KLK5: variants seen among roughly 807,000 people sequenced by gnomAD.
KLK5 encodes the protein kallikrein related peptidase 5, also known as kallikrein-5.
A neutral mutation model predicts 24.0 loss-of-function variants in KLK5; 18 were observed. The observed-to-expected ratio is 0.75, with a 90% confidence interval of 0.52 to 1.11. The LOEUF is 1.11. KLK5 is among the 50% of genes most tolerant of loss of function. The probability of loss-of-function intolerance (pLI) is 0.00; values close to 1 mark genes in which losing one functional copy is unlikely to be tolerated. For synonymous variants in KLK5, 140 were observed against 154.0 expected (o/e 0.91, Z 0.67); for missense variants, 374 against 379.2 (o/e 0.99, Z 0.11).
rs1480466077 is a variant in KLK5, at chr19:50,943,727, T to C, written c.786A>G (p.Gly262=). Residue 262 remains glycine (G), a synonymous_variant, in exon 6 of 6, where the codon GGA becomes GGG. Coordinates refer to ENST00000336334, the MANE Select transcript of KLK5 (RefSeq NM_012427.5). ...TGTTGGGCCGGGCACAAGGGTAATC[T>C]CCCCAGGACACGAGTCCCTGCAGGG... ...NGSLQGLVSW[G]DYPCARPNRP... The C allele has an allele frequency of 6.2e-7, 1 of 1,613,516 alleles. No homozygotes were observed. Among genetic ancestry groups the C allele is most frequent in the South Asian group, 1.1e-5 (1 of 91,036 alleles).
rs2090649692 is a variant in KLK5, at chr19:50,947,909, T to C, written c.726+731A>G. On this transcript the variant is annotated intron_variant, in intron 5 of 5. Coordinates refer to ENST00000336334, the MANE Select transcript of KLK5 (RefSeq NM_012427.5). The surrounding 1 kb of genome is among the most constrained non-coding windows in gnomAD (Gnocchi z 8.7). ...TCCAATACAGTAACTGCTAGCCACA[T>C]GTGGCTACTGAGCACCTGAAATGTA... Among the ~76,000 whole-genome samples, 1 of 152,206 alleles carries C rather than the reference T, an allele frequency of 6.6e-6. No homozygotes were observed. Among genetic ancestry groups the C allele is most frequent in the Non-Finnish European group, 1.5e-5 (1 of 68,026 alleles).
chr19:50,952,668 C>G lies in KLK5; in HGVS notation c.-11G>C. 6.3e-7 allele frequency: 1 copy of G among 1,592,532 alleles called. No homozygotes were observed. Among genetic ancestry groups the G allele is most frequent in the East Asian group, 2.3e-5 (1 of 42,930 alleles). ...TCTTGCTGTAGCCATGGCCGCTGCA[C>G]CTGGATGGGGAATGTCAGAGGGTTG... is the stretch of plus-strand genomic sequence containing the variant. On this transcript the variant is annotated splice_region_variant and 5_prime_UTR_variant, in exon 2 of 6. Transcript: ENST00000336334.
intron 3 of KLK5, among the ~76,000 whole-genome samples, chr19:50,949,335 A>G (rs1568528861): frequency 6.6e-6 from 1 of 151,414 alleles, no homozygotes; most frequent in Non-Finnish European, 1.5e-5. Flanking sequence ...CCTACCCAGA[A>G]GCCATCACCA....
intron 2 of KLK5, among the ~76,000 whole-genome samples, chr19:50,950,967 C>A (rs913752105): frequency 6.7e-6 from 1 of 149,700 alleles, no homozygotes; most frequent in African/African-American, 2.4e-5. Context: ...GGAGCCTGGC[C>A]CAAAGGGGTG....
chr19:50,943,462 C>T lies in KLK5; in HGVS notation c.*169G>A, dbSNP rs910515032. 1.7e-6 allele frequency: 1 copy of T among 598,008 alleles called. No homozygotes were observed. Among genetic ancestry groups the T allele is most frequent in the Non-Finnish European group, 2.9e-6 (1 of 345,942 alleles). The allele number at this position is 598,008 out of a possible 1,614,324, so 37.0% of individuals were successfully genotyped here. On this transcript the variant is annotated 3_prime_UTR_variant, in exon 6 of 6. Transcript: ENST00000336334. ...TTCCCAGGGTTCAACTAGAGAGACA[C>T]GGTCAGCCCAATGTGGGGGAAGCAG...
chr19:50,944,746 C>T (rs111745978), intron 5 of KLK5, among the ~76,000 whole-genome samples: 1 of 152,170 alleles, frequency 6.6e-6, no homozygotes, highest in Non-Finnish European at 1.5e-5. Context: ...AGTAATGCCC[C>T]TCCATATAGT....
intron 2 of KLK5, 130 bp from the exon 3 acceptor site, chr19:50,950,246 G>T: frequency 1.2e-6 from 1 of 851,020 alleles, no homozygotes; most frequent in Non-Finnish European, 1.8e-6. Context: ...GGCAGGGCCT[G>T]GAGAATAAGA....
chr19:50,946,571 T>C (rs1418856619), intron 5 of KLK5, among the ~76,000 whole-genome samples: 1 of 152,032 alleles, frequency 6.6e-6, no homozygotes, highest in African/African-American at 2.4e-5. Flanking sequence ...TTTCTTTTTT[T>C]TTTTTTGAGA....
At position 50,948,961 on chromosome 19, in the gene KLK5, G is replaced by T. The variant is rs748294116; in HGVS notation, c.490C>A (p.Arg164Ser). The part of the protein sequence containing the change: ...LMLIKLNRRI[R>S]PTKDVRPINV... ...ATGGGTCTGACATCTTTAGTGGGAC[G>T]AATTCTTCTGTTCAGTTTGATGAGC... Residue 164 changes from arginine to serine, a missense_variant, in exon 4 of 6, where the codon CGT becomes AGT. Arg to Ser is a moderately radical substitution (Grantham distance 110). Coordinates refer to ENST00000336334, the MANE Select transcript of KLK5 (RefSeq NM_012427.5). 1.2e-6 allele frequency: 2 copies of T among 1,613,906 alleles called. No homozygotes were observed. The highest frequency in any genetic ancestry group is 1.3e-5 in the African/African-American group (1 of 74,860).
At chr19:50,946,063 A>G (rs1310670451) in intron 5 of KLK5, among the ~76,000 whole-genome samples, 3 of 152,252 alleles carry the variant, frequency 2.0e-5, no homozygotes, top group Non-Finnish European at 2.9e-5. Context: ...CCTGGTATCA[A>G]TTATTAGGAA....
intron 2 of KLK5, among the ~76,000 whole-genome samples, chr19:50,951,554 G>A (rs966625751): frequency 6.6e-6 from 1 of 152,142 alleles, no homozygotes; most frequent in Non-Finnish European, 1.5e-5. Flanking sequence ...TTACAGGCGT[G>A]AGCCACCGCG....
rs779463429 is a variant in KLK5 at position 50,948,639 on chromosome 19, C to T, written c.726+1G>A. The T allele has an allele frequency of 1.9e-6, 3 of 1,614,074 alleles. No individual in the cohort carries two copies. The highest frequency in any genetic ancestry group is 1.7e-5 in the Admixed American group (1 of 59,996). On this transcript the variant is annotated splice_donor_variant, in intron 5 of 5. Coordinates refer to ENST00000336334, the MANE Select transcript of KLK5 (RefSeq NM_012427.5). LOFTEE classifies it high-confidence loss of function. ...TGCTGAATAAAGAGAGGTGTCCTCA[C>T]CTGGCAGGAGTCTCTACCTGCTTTG...
Position 50,947,114 on chromosome 19 carries a change from G to A in KLK5, c.726+1526C>T, listed in dbSNP as rs933475017. Among the ~76,000 whole-genome samples, 8 of 152,176 alleles carry A rather than the reference G, an allele frequency of 5.3e-5. No individual in the cohort carries two copies. Among genetic ancestry groups the A allele is most frequent in the African/African-American group, 1.9e-4 (8 of 41,452 alleles). ...TAGATCCCTTGGGAGCCTGAATACA[G>A]AGAAGGGTGCTGGTTGATGTAACAG... On this transcript the variant is annotated intron_variant, in intron 5 of 5. Coordinates refer to ENST00000336334, the MANE Select transcript of KLK5 (RefSeq NM_012427.5). The surrounding 1 kb of genome is among the most constrained non-coding windows in gnomAD (Gnocchi z 8.7).
chr19:50,944,009 C>CT (rs111307117), intron 5 of KLK5, among the ~76,000 whole-genome samples: 4,800 of 144,510 alleles, frequency 0.033, 270 homozygotes, highest in African/African-American at 0.11. Flanking sequence ...CCAAATCCAG[C>CT]TTTTTTTTTT....
chr19:50,945,820 A>AAGAAAAGAAAAG (rs1600069680), intron 5 of KLK5, among the ~76,000 whole-genome samples: 3 of 152,292 alleles, frequency 2.0e-5, no homozygotes, highest in East Asian at 3.9e-4. Flanking sequence ...AAGAAAAGAA[A>AAGAAAAGAAAAG]TAAATATGTA....
chr19:50,946,909 C>G (rs550581477), intron 5 of KLK5, among the ~76,000 whole-genome samples: 7 of 152,088 alleles, frequency 4.6e-5, no homozygotes, highest in Non-Finnish European at 1.0e-4. Context: ...CCCACCCCCC[C>G]ACACCCAGGG....
intron 5 of KLK5, among the ~76,000 whole-genome samples, chr19:50,944,458 C>G (rs2090613946): frequency 6.6e-6 from 1 of 152,146 alleles, no homozygotes; most frequent in Non-Finnish European, 1.5e-5. Context: ...GCCTGTCTCC[C>G]TCATCGTGTA....
rs139954003 is a variant in KLK5 at position 50,947,878 on chromosome 19, G to A, written c.726+762C>T. ...AGCCCTGATCTTTCCCTCTAGATCC[G>A]TGCCATCCAATACAGTAACTGCTAG... On this transcript the variant is annotated intron_variant, in intron 5 of 5. Transcript: ENST00000336334. The surrounding 1 kb of genome is among the most constrained non-coding windows in gnomAD (Gnocchi z 8.7). 6.4e-3 allele frequency among the ~76,000 whole-genome samples: 976 copies of A among 152,198 alleles called. 14 individuals are homozygous for A. Among genetic ancestry groups the A allele is most frequent in the African/African-American group, 0.022 (897 of 41,514 alleles).
At position 50,943,698 on chromosome 19, in the gene KLK5, G is replaced by C; in HGVS notation, c.815C>G (p.Pro272Arg). Residue 272 changes from proline (P) to arginine (R), a missense_variant, in exon 6 of 6, where the codon CCG becomes CGG. Pro to Arg is a moderately radical substitution (Grantham distance 103, BLOSUM62 -2). Transcript: ENST00000336334. ...GDYPCARPNR[P>R]GVYTNLCKFT... ...CTTGCAGAGGTTCGTGTAGACACCCGGTCTGTTGGGCCGGGCACAAGGGTA... is the reference window on the plus strand; with the variant it reads ...CTTGCAGAGGTTCGTGTAGACACCCCGTCTGTTGGGCCGGGCACAAGGGTA... 1 of 1,613,986 alleles carries C rather than the reference G, an allele frequency of 6.2e-7. No homozygotes were observed. The highest frequency in any genetic ancestry group is 8.5e-7 in the Non-Finnish European group (1 of 1,179,942).
Sources: allele counts gnomAD v4.1 joint callset (sites outside exome capture counted in the v4.1 genomes callset), GRCh38; gene constraint gnomAD v4.1.1; non-coding constraint Gnocchi (gnomAD v3.1); transcripts MANE v1.5; gene names NCBI Gene and HGNC (gene_info 2026-07-23, HGNC 2026-07-21).